SCN4B: variants seen among roughly 807,000 people sequenced by gnomAD.
The protein encoded by SCN4B is sodium channel regulatory subunit beta-4.
A neutral mutation model predicts 19.6 loss-of-function variants in SCN4B; 20 were observed. The observed-to-expected ratio is 1.02, with a 90% CI of 0.72 to 1.48. The LOEUF (loss-of-function observed/expected upper bound fraction) is 1.48. Among genes scored for constraint, SCN4B ranks in the 40% most tolerant of loss-of-function variants. The probability of loss-of-function intolerance (pLI) is 0.00; values close to 1 mark genes in which losing one functional copy is unlikely to be tolerated. For missense variants in SCN4B, 271 were observed against 287.5 expected (o/e 0.94, Z 0.42); for synonymous variants, 127 against 122.8 (o/e 1.03, Z -0.22).
rs142949143 is a variant in SCN4B, at chr11:118,142,619, C to A, written c.463+1214G>T. 6.4e-3 allele frequency among the ~76,000 whole-genome samples: 970 copies of A among 152,266 alleles called. 25 individuals are homozygous for A. Among genetic ancestry groups the A allele is most frequent in the East Asian group, 0.059 (306 of 5,184 alleles). Reference sequence around the variant, plus strand: ...AGGAATTTGTCTATCTTGTTCATATCACATCCTCGGAATCTAGAATAACGT... The same window carrying A: ...AGGAATTTGTCTATCTTGTTCATATAACATCCTCGGAATCTAGAATAACGT... On this transcript the variant is annotated intron_variant, in intron 3 of 4. Transcript: ENST00000324727.
chr11:118,140,683 C>G (rs1286977221), intron 4 of SCN4B, among the ~76,000 whole-genome samples: 1 of 152,220 alleles, frequency 6.6e-6, no homozygotes, highest in African/African-American at 2.4e-5. Flanking sequence ...TATTTTTATA[C>G]CTGAACTTAT....
chr11:118,138,807 G>C (rs141754779), intron 4 of SCN4B, among the ~76,000 whole-genome samples: 1 of 152,284 alleles, frequency 6.6e-6, no homozygotes, highest in East Asian at 1.9e-4. Context: ...AACCAAGAAA[G>C]ATGAGCAGGA....
chr11:118,139,209 C>T lies in SCN4B; in HGVS notation c.593+1998G>A, dbSNP rs571127514. Reference sequence around the variant, plus strand: ...CTCACCATACAGCTCTCTCAACAAACAAAAGGCTTGTTCTCCAGACAAGCC... The same window carrying T: ...CTCACCATACAGCTCTCTCAACAAATAAAAGGCTTGTTCTCCAGACAAGCC... On this transcript the variant is annotated intron_variant, in intron 4 of 4. Coordinates refer to ENST00000324727, the MANE Select transcript of SCN4B (RefSeq NM_174934.4). Among the ~76,000 whole-genome samples the T allele has an allele frequency of 3.3e-5, 5 of 152,232 alleles. No individual in the cohort carries two copies. In the South Asian group the frequency reaches 1.0e-3, roughly 32 times the overall value.
intron 1 of SCN4B, among the ~76,000 whole-genome samples, chr11:118,152,366 G>A (rs1948242339): frequency 6.6e-6 from 1 of 152,184 alleles, no homozygotes; most frequent in South Asian, 2.1e-4. Flanking sequence ...GGAGCCGAAG[G>A]TGCCAAGGAC....
At chr11:118,141,116 A>G in intron 4 of SCN4B, 91 bp downstream of exon 4, 1 of 1,438,332 alleles carries the variant, frequency 7.0e-7, no homozygotes, top group South Asian at 1.1e-5. Context: ...GGGGGGAAGG[A>G]GGAGGCAGGT....
chr11:118,140,015 G>A (rs185590685), intron 4 of SCN4B, among the ~76,000 whole-genome samples: 2 of 151,664 alleles, frequency 1.3e-5, no homozygotes, highest in Non-Finnish European at 1.5e-5. Flanking sequence ...TGGGACTTCA[G>A]GCACACACAT....
intron 1 of SCN4B, among the ~76,000 whole-genome samples, chr11:118,150,429 C>T (rs1027174713): frequency 1.6e-4 from 24 of 152,104 alleles, no homozygotes; most frequent in African/African-American, 5.1e-4. Context: ...TGAAAAGAGC[C>T]GCTCTAGGCC....
intron 3 of SCN4B, 51 bp downstream of exon 3, chr11:118,143,782 C>G (rs1948130607): frequency 7.5e-7 from 1 of 1,341,874 alleles, no homozygotes; most frequent in East Asian, 2.3e-5. Context: ...GAGTTGGGTG[C>G]CTCCCAAGTC....
rs772940723 is a variant in SCN4B at position 118,136,733 on chromosome 11, C to T, written c.*294G>A. 6.9e-5 allele frequency: 38 copies of T among 547,972 alleles called. 1 individual carries two copies. Among genetic ancestry groups the T allele is most frequent in the South Asian group, 5.1e-4 (33 of 65,328 alleles). 33.9% of individuals were successfully genotyped at this position (547,972 alleles called of 1,614,324 possible). A position where few individuals can be genotyped will look rare whatever the true frequency, so the allele number is the denominator to read the frequency against. ...TGCAGGGTAGGGAGACTGAAGGAGACCCCATCTGCCCAGGTGTCAGGGGAC... is the reference window on the plus strand; with the variant it reads ...TGCAGGGTAGGGAGACTGAAGGAGATCCCATCTGCCCAGGTGTCAGGGGAC... On this transcript the variant is annotated 3_prime_UTR_variant, in exon 5 of 5. Coordinates refer to ENST00000324727, the MANE Select transcript of SCN4B (RefSeq NM_174934.4).
chr11:118,143,713 A>G (rs1271452235), intron 3 of SCN4B, 120 bp downstream of exon 3: 1 of 732,484 alleles, frequency 1.4e-6, no homozygotes, highest in Non-Finnish European at 2.4e-6. Context: ...GCAGCTCTGG[A>G]AAGTGTAAAG....
chr11:118,152,764 A>G lies in SCN4B; in HGVS notation c.-91T>C, dbSNP rs1354339534. On this transcript the variant is annotated 5_prime_UTR_variant, in exon 1 of 5. Coordinates refer to ENST00000324727, the MANE Select transcript of SCN4B (RefSeq NM_174934.4). ...CGCCCGAGGTCGGCGTTCGGCCACA[A>G]AGCTACCCCGGAGCTCTGCGCCGCC... The G allele has an allele frequency of 5.9e-6, 6 of 1,017,896 alleles. No individual in the cohort carries two copies. The highest frequency in any genetic ancestry group is 8.5e-6 in the Non-Finnish European group (6 of 706,716). 63.1% of individuals were successfully genotyped at this position (1,017,896 alleles called of 1,614,324 possible).
At chr11:118,141,431 T>A in intron 3 of SCN4B, 95 bp from the exon 4 acceptor site, 1 of 1,501,520 alleles carries the variant, frequency 6.7e-7, no homozygotes, top group Non-Finnish European at 9.2e-7. Context: ...CCATGTAGCC[T>A]CCACCCCCTG....
At chr11:118,140,454 C>T (rs1236811063) in intron 4 of SCN4B, among the ~76,000 whole-genome samples, 1 of 152,246 alleles carries the variant, frequency 6.6e-6, no homozygotes, top group Non-Finnish European at 1.5e-5. Context: ...CTCTGCATCT[C>T]GTGGTTACCA....
Position 118,138,432 on chromosome 11 carries a change from A to AG in SCN4B, c.594-1313dup, listed in dbSNP as rs577436806. Among the ~76,000 whole-genome samples the AG allele has an allele frequency of 1.5e-3, 230 of 152,340 alleles. 1 individual carries two copies. The highest frequency in any genetic ancestry group is 6.8e-3 in the Middle Eastern group (2 of 294). ...TCAAATGTTAGTAATAACAATGAAC[A>AG]GGTGGAGCCCTGTGGAATACACTAA... On this transcript the variant is annotated intron_variant, in intron 4 of 4. Transcript: ENST00000324727.
At chr11:118,137,424 A>G (rs1948031149) in intron 4 of SCN4B, among the ~76,000 whole-genome samples, 1 of 152,192 alleles carries the variant, frequency 6.6e-6, no homozygotes, top group African/African-American at 2.4e-5. Flanking sequence ...TAATCCCAGC[A>G]CTTTGGGAGG....
rs2135510535 is a variant in SCN4B, at chr11:118,152,722, G to A, written c.-49C>T. 6.8e-7 allele frequency: 1 copy of A among 1,468,950 alleles called. No individual in the cohort carries two copies. The highest frequency in any genetic ancestry group is 9.3e-7 in the Non-Finnish European group (1 of 1,071,396). The allele number at this position is 1,468,950 out of a possible 1,614,324, so 91.0% of individuals were successfully genotyped here. A position where few individuals can be genotyped will look rare whatever the true frequency, so the allele number is the denominator to read the frequency against. ...CGGGGGTCGCGGGGATGGGATACTGGGCACAGCCGCGCTCTCCGCCCGAGG... is the reference window on the plus strand; with the variant it reads ...CGGGGGTCGCGGGGATGGGATACTGAGCACAGCCGCGCTCTCCGCCCGAGG... On this transcript the variant is annotated 5_prime_UTR_variant, in exon 1 of 5. Transcript: ENST00000324727.
chr11:118,137,803 G>GCCA (rs1948038727), intron 4 of SCN4B, among the ~76,000 whole-genome samples: 1 of 152,212 alleles, frequency 6.6e-6, no homozygotes, highest in Non-Finnish European at 1.5e-5. Context: ...AGGGGGAGGG[G>GCCA]TCCAGGCCAG....
chr11:118,136,042 G>T lies in SCN4B; in HGVS notation c.*985C>A, dbSNP rs747454349. ...GGGCGTGATGGAGGGCACGGTGGGG[G>T]GGGGGGAGCGAGCCAATGGGAGGTT... On this transcript the variant is annotated 3_prime_UTR_variant, in exon 5 of 5. Transcript: ENST00000324727. The T allele has an allele frequency of 2.5e-4, 107 of 436,544 alleles. 1 individual carries two copies. Among genetic ancestry groups the T allele is most frequent in the Middle Eastern group, 2.2e-3 (3 of 1,372 alleles). 27.0% of individuals were successfully genotyped at this position (436,544 alleles called of 1,614,324 possible). A position where few individuals can be genotyped will look rare whatever the true frequency, so the allele number is the denominator to read the frequency against.
chr11:118,137,316 C>T (rs1032121870), intron 4 of SCN4B, among the ~76,000 whole-genome samples, 196 bp from the exon 5 acceptor site: 3 of 152,178 alleles, frequency 2.0e-5, no homozygotes, highest in African/African-American at 4.8e-5. Flanking sequence ...GTAGGGATGA[C>T]CTTCTGCGTG....
Sources: gnomAD v4.1 joint callset for allele counts (sites outside exome capture counted in the v4.1 genomes callset) on GRCh38, gnomAD v4.1.1 for gene constraint, MANE v1.5 for transcripts, NCBI Gene and HGNC (gene_info 2026-07-23, HGNC 2026-07-21) for gene names.